EPHA6: variants seen among roughly 807,000 people sequenced by gnomAD.
EPHA6 encodes ephrin type-A receptor 6.
Under a neutral mutation model 112.0 loss-of-function variants are expected in EPHA6, and 50 were observed. The observed-to-expected ratio is 0.45, with a 90% confidence interval of 0.36 to 0.56. EPHA6 has a LOEUF of 0.56. EPHA6 is among the 20% of genes least tolerant of loss of function. The pLI, the probability that EPHA6 is intolerant of heterozygous loss-of-function variation, is 0.00. For synonymous variants in EPHA6, 529 were observed against 490.7 expected (o/e 1.08, Z -1.03); for missense variants, 1,280 against 1,417.4 (o/e 0.90, Z 1.56).
chr3:97,098,877 G>A (rs560216802), intron 3 of EPHA6, among the ~76,000 whole-genome samples: 2 of 151,926 alleles, frequency 1.3e-5, no homozygotes, highest in South Asian at 4.1e-4. Flanking sequence ...TCTGCTGTCA[G>A]CACTGCTATC....
chr3:97,579,164 A>G (rs2093415285), intron 11 of EPHA6, among the ~76,000 whole-genome samples: 1 of 152,196 alleles, frequency 6.6e-6, no homozygotes, highest in Non-Finnish European at 1.5e-5. Flanking sequence ...ATAATTAAGC[A>G]ATAATATTGT....
intron 5 of EPHA6, among the ~76,000 whole-genome samples, chr3:97,265,577 C>T (rs1275853496): frequency 6.6e-6 from 1 of 152,216 alleles, no homozygotes; most frequent in Non-Finnish European, 1.5e-5. Context: ...GAAGCAGACA[C>T]TCCCGAGCCT....
At position 97,564,851 on chromosome 3, in the gene EPHA6, G is replaced by A. The variant is rs544963294; in HGVS notation, c.2387-27761G>A. Among the ~76,000 whole-genome samples, 74 of 152,230 alleles carry A rather than the reference G, an allele frequency of 4.9e-4. 1 individual carries two copies. The South Asian group carries it at 8.9e-3, about 18-fold the overall frequency. On this transcript the variant is annotated intron_variant, in intron 11 of 17. Transcript: ENST00000389672. The stretch of plus-strand genomic sequence containing the variant: ...GCCAATTGCTACATAATCAGAGGTC[G>A]TAAGAGAATGAAAGCTTAGGCATGT...
At chr3:97,176,716 AT>A (rs2076845460) in intron 3 of EPHA6, among the ~76,000 whole-genome samples, 1 of 151,538 alleles carries the variant, frequency 6.6e-6, no homozygotes, top group Non-Finnish European at 1.5e-5. Context: ...TATCGTTTGA[AT>A]TTTTGCAGTA....
intron 3 of EPHA6, among the ~76,000 whole-genome samples, chr3:96,999,762 C>T (rs2043566953): frequency 6.6e-6 from 1 of 151,744 alleles, no homozygotes; most frequent in Non-Finnish European, 1.5e-5. Flanking sequence ...TCCCTGAACC[C>T]CTAAGATGAA....
intron 5 of EPHA6, among the ~76,000 whole-genome samples, chr3:97,329,386 C>T (rs1029204544): frequency 2.7e-4 from 41 of 151,064 alleles, no homozygotes; most frequent in Admixed American, 1.9e-3. Context: ...CCTGAGGAAT[C>T]GCCACACTGA....
At chr3:97,289,191 T>C (rs925577896) in intron 5 of EPHA6, among the ~76,000 whole-genome samples, 7 of 152,166 alleles carry the variant, frequency 4.6e-5, no homozygotes, top group African/African-American at 1.7e-4. Context: ...CTAGGTTTTC[T>C]TCTAGGATTC....
intron 5 of EPHA6, among the ~76,000 whole-genome samples, chr3:97,294,650 A>C (rs1258946547): frequency 6.6e-6 from 1 of 152,144 alleles, no homozygotes; most frequent in Non-Finnish European, 1.5e-5. Flanking sequence ...TTTCTGTAAC[A>C]GTAACATTTG....
intron 11 of EPHA6, among the ~76,000 whole-genome samples, chr3:97,570,848 G>T (rs1359656271): frequency 6.6e-6 from 1 of 152,178 alleles, no homozygotes; most frequent in Admixed American, 6.5e-5. Flanking sequence ...GAAGCAGGTG[G>T]TGTGCAGAAT....
chr3:97,740,722 G>A (rs1486462), intron 16 of EPHA6, among the ~76,000 whole-genome samples: 1 of 151,894 alleles, frequency 6.6e-6, no homozygotes, highest in African/African-American at 2.4e-5. Flanking sequence ...TCCATTTAGC[G>A]AATTATGCAC....
intron 2 of EPHA6, among the ~76,000 whole-genome samples, chr3:96,948,362 A>G (rs1025573501): frequency 2.0e-5 from 3 of 152,290 alleles, no homozygotes; most frequent in East Asian, 3.9e-4. Flanking sequence ...TTTACAGTTC[A>G]TATGTAACCT....
chr3:97,616,482 C>T (rs1365353084), intron 13 of EPHA6, among the ~76,000 whole-genome samples: 1 of 152,194 alleles, frequency 6.6e-6, no homozygotes, highest in Non-Finnish European at 1.5e-5. Flanking sequence ...AAAATCTTCA[C>T]TGAGCTAAAG....
At chr3:97,517,612 A>G (rs1043420180) in intron 10 of EPHA6, among the ~76,000 whole-genome samples, 7 of 152,070 alleles carry the variant, frequency 4.6e-5, no homozygotes, top group African/African-American at 1.7e-4. Context: ...TTTAAAATCT[A>G]CTCTCTCAGC....
intron 3 of EPHA6, among the ~76,000 whole-genome samples, chr3:97,009,445 A>T (rs907267713): frequency 6.6e-6 from 1 of 152,190 alleles, no homozygotes; most frequent in Admixed American, 6.5e-5. Flanking sequence ...GGACCAAACC[A>T]TCCAGCCTCC....
intron 16 of EPHA6, among the ~76,000 whole-genome samples, chr3:97,737,448 C>T (rs574172855): frequency 6.6e-6 from 1 of 152,012 alleles, no homozygotes; most frequent in Non-Finnish European, 1.5e-5. Context: ...ATTATCATTT[C>T]CTAATAATAA....
chr3:97,170,123 A>AG (rs1224893953), intron 3 of EPHA6, among the ~76,000 whole-genome samples: 2 of 120,706 alleles, frequency 1.7e-5, no homozygotes, highest in Non-Finnish European at 3.2e-5. Flanking sequence ...CAGAACTTAA[A>AG]GAAAAAAAAA....
chr3:97,642,077 A>C (rs1323169074), intron 14 of EPHA6, among the ~76,000 whole-genome samples: 4 of 144,918 alleles, frequency 2.8e-5, no homozygotes, highest in Admixed American at 1.4e-4. Context: ...TTCTCCCAGC[A>C]CGCAGCTGGA....
intron 2 of EPHA6, among the ~76,000 whole-genome samples, chr3:96,931,182 A>T (rs1478096852): frequency 6.6e-6 from 1 of 152,016 alleles, no homozygotes; most frequent in African/African-American, 2.4e-5. Flanking sequence ...ATTTTGTCTT[A>T]GATGGAAATT....
intron 5 of EPHA6, among the ~76,000 whole-genome samples, chr3:97,247,544 G>C (rs918261933): frequency 1.6e-4 from 25 of 151,890 alleles, no homozygotes; most frequent in Non-Finnish European, 3.4e-4. Flanking sequence ...TGAATAGAAA[G>C]TGATTAGGTA....
Sources: allele counts gnomAD v4.1 joint callset (sites outside exome capture counted in the v4.1 genomes callset), GRCh38; gene constraint gnomAD v4.1.1; transcripts MANE v1.5; gene names NCBI Gene and HGNC (gene_info 2026-07-23, HGNC 2026-07-21).